The following LRRIQ3 variants were observed in gnomAD, a reference collection of about 807,000 sequenced individuals.
LRRIQ3 encodes the protein leucine rich repeats and IQ motif containing 3.
In LRRIQ3, 75 loss-of-function variants were observed where a neutral mutation model predicts 59.3. The ratio of observed to expected loss-of-function variants is 1.26; its 90% CI spans 1.05 to 1.53. LRRIQ3 has a LOEUF of 1.53. Among genes scored for constraint, LRRIQ3 ranks in the 40% most tolerant of loss-of-function variants. The probability of loss-of-function intolerance (pLI) is 0.00; values close to 1 mark genes in which losing one functional copy is unlikely to be tolerated. For missense variants in LRRIQ3, 831 were observed against 710.0 expected, an observed-to-expected ratio of 1.17 and a Z score of -1.94; for synonymous variants, 250 against 231.3, an observed-to-expected ratio of 1.08 and a Z score of -0.73.
At chr1:74,064,172 T>A (rs1398770108) in intron 6 of LRRIQ3, among the ~76,000 whole-genome samples, 4 of 151,876 alleles carry the variant, frequency 2.6e-5, no homozygotes, top group Non-Finnish European at 4.4e-5. Context: ...TGTATATATA[T>A]TTAGAAAGTT....
chr1:74,143,837 T>A (rs1570199472), intron 4 of LRRIQ3, among the ~76,000 whole-genome samples: 1 of 151,870 alleles, frequency 6.6e-6, no homozygotes, highest in African/African-American at 2.4e-5. Flanking sequence ...AAGTTGCATA[T>A]AATGCTTTCA....
intron 6 of LRRIQ3, among the ~76,000 whole-genome samples, chr1:74,062,416 A>T (rs1259379954): frequency 6.6e-6 from 1 of 152,106 alleles, no homozygotes; most frequent in Non-Finnish European, 1.5e-5. Context: ...AGATGCTGCC[A>T]AGGTTGTGGA....
chr1:74,135,805 C>A (rs917232049), intron 4 of LRRIQ3, among the ~76,000 whole-genome samples: 2 of 151,750 alleles, frequency 1.3e-5, no homozygotes, highest in African/African-American at 4.8e-5. Context: ...AAATCAAAAT[C>A]CAAACTTCCT....
intron 6 of LRRIQ3, among the ~76,000 whole-genome samples, chr1:74,060,174 T>A (rs557860041): frequency 6.6e-4 from 94 of 142,904 alleles, no homozygotes; most frequent in African/African-American, 2.5e-3. Context: ...CGTCGTCATC[T>A]TCTTCTTCTT....
At chr1:74,125,933 GTTC>G (rs1302961851) in intron 4 of LRRIQ3, among the ~76,000 whole-genome samples, 7 of 151,680 alleles carry the variant, frequency 4.6e-5, no homozygotes, top group Non-Finnish European at 7.4e-5. Flanking sequence ...ATTGGTGTTA[GTTC>G]TTCTTTAATT....
intron 5 of LRRIQ3, among the ~76,000 whole-genome samples, chr1:74,093,433 GT>G: frequency 6.6e-6 from 1 of 152,192 alleles, no homozygotes; most frequent in East Asian, 1.9e-4. Flanking sequence ...CCAAATTAGA[GT>G]TTTATTATAG....
intron 1 of LRRIQ3, among the ~76,000 whole-genome samples, chr1:74,185,714 C>A (rs370918924): frequency 2.0e-5 from 3 of 152,130 alleles, no homozygotes; most frequent in East Asian, 3.9e-4. Context: ...GAGGCTGAGG[C>A]GGGCGGATTA....
intron 4 of LRRIQ3, among the ~76,000 whole-genome samples, chr1:74,126,601 C>T (rs1646939320): frequency 6.6e-6 from 1 of 151,812 alleles, no homozygotes; most frequent in African/African-American, 2.4e-5. Context: ...ATAATCTGCT[C>T]ATTGACCCAC....
At position 74,041,828 on chromosome 1, in the gene LRRIQ3, G is replaced by T; in HGVS notation, c.1103C>A (p.Ala368Glu). Residue 368 changes from alanine to glutamate, a missense_variant, in exon 7 of 8, where the codon GCA (alanine) becomes GAA (glutamate). Ala to Glu is a moderately radical substitution (Grantham distance 107, BLOSUM62 -1). Transcript: ENST00000354431. ...IYTSGSLKNN[A>E]VLREKKQHFF... ...ATGTTGTTTTTTCTCTCTCAATACT[G>T]CATTATTCTTCAATGAACCTGAAGT... is the stretch of plus-strand genomic sequence containing the variant. 1 of 1,613,412 alleles carries T rather than the reference G, an allele frequency of 6.2e-7. No homozygotes were observed. The highest frequency in any genetic ancestry group is 8.5e-7 in the Non-Finnish European group (1 of 1,179,692).
At chr1:74,156,109 C>T (rs1479031857) in intron 3 of LRRIQ3, among the ~76,000 whole-genome samples, 1 of 152,036 alleles carries the variant, frequency 6.6e-6, no homozygotes, top group Non-Finnish European at 1.5e-5. Flanking sequence ...GGGCTGTTCC[C>T]TCCTGAATGG....
chr1:74,165,047 A>G (rs1196033065), intron 3 of LRRIQ3, among the ~76,000 whole-genome samples: 2 of 151,514 alleles, frequency 1.3e-5, no homozygotes, highest in Non-Finnish European at 3.0e-5. Flanking sequence ...CAATACCACC[A>G]CAGTCTTGAT....
chr1:74,105,162 A>G (rs1646592140), intron 5 of LRRIQ3, among the ~76,000 whole-genome samples: 1 of 151,996 alleles, frequency 6.6e-6, no homozygotes. Context: ...AGCAATAATT[A>G]TCTAAAATTG....
intron 4 of LRRIQ3, among the ~76,000 whole-genome samples, chr1:74,125,963 C>T (rs1646929525): frequency 6.6e-6 from 1 of 151,826 alleles, no homozygotes. Flanking sequence ...TAAAACTCAT[C>T]AGTGAAGCCA....
At chr1:74,136,799 T>C (rs1647132133) in intron 4 of LRRIQ3, among the ~76,000 whole-genome samples, 1 of 151,970 alleles carries the variant, frequency 6.6e-6, no homozygotes, top group Non-Finnish European at 1.5e-5. Flanking sequence ...TTCACTATCA[T>C]TCAGTAGAAA....
chr1:74,084,580 G>A (rs1276634328), intron 5 of LRRIQ3, among the ~76,000 whole-genome samples: 3 of 151,502 alleles, frequency 2.0e-5, no homozygotes, highest in African/African-American at 7.3e-5. Context: ...CCCACAGAAA[G>A]ACAAAAAGTG....
At chr1:74,162,284 TATA>T (rs1648703497) in intron 3 of LRRIQ3, among the ~76,000 whole-genome samples, 1 of 151,804 alleles carries the variant, frequency 6.6e-6, no homozygotes, top group Non-Finnish European at 1.5e-5. Context: ...TCCAAACTAA[TATA>T]ATGTAAAATT....
chr1:74,128,039 C>T (rs1277199999), intron 4 of LRRIQ3, among the ~76,000 whole-genome samples: 1 of 151,932 alleles, frequency 6.6e-6, no homozygotes, highest in African/African-American at 2.4e-5. Context: ...ATATATCCTG[C>T]CATTCTCTCC....
chr1:74,069,113 G>A (rs974146504), intron 6 of LRRIQ3, among the ~76,000 whole-genome samples: 5 of 152,080 alleles, frequency 3.3e-5, no homozygotes, highest in African/African-American at 7.2e-5. Flanking sequence ...CTTTTTGGCT[G>A]AATAGGAAGT....
chr1:74,182,962 A>C, intron 2 of LRRIQ3, 101 bp from the exon 3 acceptor site: 1 of 615,534 alleles, frequency 1.6e-6, no homozygotes, highest in Non-Finnish European at 2.6e-6. Flanking sequence ...TATTCCCCAA[A>C]TAGCAAGTTT....
Sources: gnomAD v4.1 joint callset for allele counts (sites outside exome capture counted in the v4.1 genomes callset) on GRCh38, gnomAD v4.1.1 for gene constraint, MANE v1.5 for transcripts, NCBI Gene and HGNC (gene_info 2026-07-23, HGNC 2026-07-21) for gene names.